The following CNTN5 variants were observed in gnomAD, a reference collection of about 807,000 sequenced individuals.
The protein encoded by CNTN5 is contactin 5, also known as contactin-5.
CNTN5 carries 77 observed loss-of-function variants against 129.1 expected under a neutral mutation model. That is an observed-to-expected ratio of 0.60 (90% CI 0.50 to 0.72). The LOEUF is 0.72. Among genes scored for constraint, CNTN5 ranks in the 30% least tolerant of loss-of-function variants. CNTN5 has a pLI of 0.00. For missense variants in CNTN5, 1,478 were observed against 1,328.8 expected (o/e 1.11, Z -1.75); for synonymous variants, 509 against 465.6 (o/e 1.09, Z -1.20).
chr11:99,807,729 C>A (rs1211209378), intron 3 of CNTN5, among the ~76,000 whole-genome samples: 1 of 152,064 alleles, frequency 6.6e-6, no homozygotes, highest in East Asian at 1.9e-4. Flanking sequence ...CAAACTGATT[C>A]CAGTTTTCTT....
chr11:99,302,877 G>A (rs749741332), intron 1 of CNTN5, among the ~76,000 whole-genome samples: 26 of 151,300 alleles, frequency 1.7e-4, no homozygotes, highest in South Asian at 4.2e-4. Context: ...AAATGGAATG[G>A]AACACTAGAC....
At chr11:99,964,564 A>G (rs972359790) in intron 8 of CNTN5, among the ~76,000 whole-genome samples, 1 of 152,064 alleles carries the variant, frequency 6.6e-6, no homozygotes, top group Admixed American at 6.6e-5. Context: ...GTTTGCCAGT[A>G]TTTTATTGAG....
chr11:99,712,888 A>G (rs1224139303), intron 3 of CNTN5, among the ~76,000 whole-genome samples: 1 of 152,022 alleles, frequency 6.6e-6, no homozygotes, highest in Non-Finnish European at 1.5e-5. Context: ...GTAGCCTTGT[A>G]GTATAGTTTG....
chr11:99,432,217 C>T (rs1247810576), intron 2 of CNTN5, among the ~76,000 whole-genome samples: 4 of 152,102 alleles, frequency 2.6e-5, no homozygotes, highest in Non-Finnish European at 4.4e-5. Flanking sequence ...TTTTGGGTCT[C>T]AGAAACTGAA....
At chr11:100,104,090 G>A (rs1245709596) in intron 13 of CNTN5, among the ~76,000 whole-genome samples, 3 of 143,538 alleles carry the variant, frequency 2.1e-5, no homozygotes, top group African/African-American at 7.6e-5. Context: ...GGTAGAAAAC[G>A]TCACTTTTTT....
chr11:100,273,355 G>T (rs189354420), intron 18 of CNTN5, among the ~76,000 whole-genome samples: 3 of 152,096 alleles, frequency 2.0e-5, no homozygotes, highest in Non-Finnish European at 4.4e-5. Flanking sequence ...GGGTAGGGGT[G>T]GGGATTTGGG....
intron 2 of CNTN5, among the ~76,000 whole-genome samples, chr11:99,445,717 T>C (rs1324576392): frequency 6.6e-6 from 1 of 152,142 alleles, no homozygotes; most frequent in Admixed American, 6.5e-5. Flanking sequence ...CACTCAACCA[T>C]TTTCTTTTTT....
At chr11:100,311,036 A>T (rs551854030) in intron 21 of CNTN5, among the ~76,000 whole-genome samples, 9 of 151,998 alleles carry the variant, frequency 5.9e-5, no homozygotes, top group African/African-American at 2.2e-4. Flanking sequence ...ACAAGTCAAG[A>T]TCTGACATAT....
chr11:99,705,693 C>G lies in CNTN5; in HGVS notation c.56-113851C>G, dbSNP rs1380420734. 2.6e-5 allele frequency among the ~76,000 whole-genome samples: 4 copies of G among 151,510 alleles called. No individual in the cohort carries two copies. The East Asian group carries it at 7.8e-4, about 30-fold the overall frequency. ...ATTTAGAGGTTAGAAAGGGGAAGGA[C>G]TCTTTAGGACCTGGGAAGTGTACTT... On this transcript the variant is annotated intron_variant, in intron 3 of 24. Coordinates refer to ENST00000524871, the MANE Select transcript of CNTN5 (RefSeq NM_014361.4).
At chr11:99,213,614 C>G (rs1382048923) in intron 1 of CNTN5, among the ~76,000 whole-genome samples, 1 of 151,598 alleles carries the variant, frequency 6.6e-6, no homozygotes, top group Non-Finnish European at 1.5e-5. Flanking sequence ...TAATAAATTG[C>G]TAAATTTCAT....
chr11:99,155,194 T>A (rs1370842342), intron 1 of CNTN5, among the ~76,000 whole-genome samples: 1 of 152,156 alleles, frequency 6.6e-6, no homozygotes, highest in Non-Finnish European at 1.5e-5. Flanking sequence ...ACCCAGCTAT[T>A]TCCCCCTTCC....
In CNTN5 at chr11:99,776,091, G is replaced by A. The variant is rs542829514; in HGVS notation, c.56-43453G>A. On this transcript the variant is annotated intron_variant, in intron 3 of 24. Coordinates refer to ENST00000524871, the MANE Select transcript of CNTN5 (RefSeq NM_014361.4). ...TGATTTTCATTTTCATTAGTCACTT[G>A]GTCATTTATTGAATACATGTTTATT... is the stretch of plus-strand genomic sequence containing the variant. 3.9e-5 allele frequency among the ~76,000 whole-genome samples: 6 copies of A among 151,982 alleles called. No individual in the cohort carries two copies. In the South Asian group the frequency reaches 1.2e-3, roughly 32 times the overall value.
chr11:99,499,758 G>A (rs1946359297), intron 2 of CNTN5, among the ~76,000 whole-genome samples: 1 of 152,110 alleles, frequency 6.6e-6, no homozygotes, highest in South Asian at 2.1e-4. Context: ...CTGACAATGA[G>A]ATATTTATAA....
At chr11:99,240,531 A>T (rs1250237525) in intron 1 of CNTN5, among the ~76,000 whole-genome samples, 1 of 152,160 alleles carries the variant, frequency 6.6e-6, no homozygotes, top group Non-Finnish European at 1.5e-5. Context: ...GAGGGAACTG[A>T]AACAAGTCTT....
chr11:99,325,888 T>C lies in CNTN5; in HGVS notation c.-71+404T>C, dbSNP rs904388592. On this transcript the variant is annotated intron_variant, in intron 2 of 24. Transcript: ENST00000524871. ...ATGTGCTAGTGGATGGCTTTTGTGC[T>C]TTTTGTATGTGCTCGAATTTTAAGA... is the stretch of plus-strand genomic sequence containing the variant. Among the ~76,000 whole-genome samples, 4 of 152,204 alleles carry C rather than the reference T, an allele frequency of 2.6e-5. No homozygotes were observed. In the East Asian group the frequency reaches 7.7e-4, roughly 29 times the overall value.
At chr11:100,041,774 A>G (rs1317533941) in intron 9 of CNTN5, among the ~76,000 whole-genome samples, 2 of 152,204 alleles carry the variant, frequency 1.3e-5, no homozygotes, top group African/African-American at 4.8e-5. Flanking sequence ...TAAAGGCCAT[A>G]TCAGATCATA....
chr11:99,334,491 T>C (rs1866137310), intron 2 of CNTN5, among the ~76,000 whole-genome samples: 1 of 152,128 alleles, frequency 6.6e-6, no homozygotes, highest in Admixed American at 6.6e-5. Flanking sequence ...CGTATAATTA[T>C]GATGTGTCAT....
intron 1 of CNTN5, among the ~76,000 whole-genome samples, chr11:99,140,797 A>G (rs1859474006): frequency 6.6e-6 from 1 of 151,900 alleles, no homozygotes; most frequent in Non-Finnish European, 1.5e-5. Context: ...AATCACATTT[A>G]TTCATTTACA....
intron 1 of CNTN5, among the ~76,000 whole-genome samples, chr11:99,089,951 G>C (rs1465521592): frequency 6.6e-6 from 1 of 152,002 alleles, no homozygotes; most frequent in Non-Finnish European, 1.5e-5. Context: ...ATTTATTCAG[G>C]GAACAGATAG....
Sources: allele counts gnomAD v4.1 joint callset (sites outside exome capture counted in the v4.1 genomes callset), GRCh38; gene constraint gnomAD v4.1.1; transcripts MANE v1.5; gene names NCBI Gene and HGNC (gene_info 2026-07-23, HGNC 2026-07-21).